Variants in KPTN observed in about 807,000 individuals in gnomAD.
KPTN encodes the protein KICSTOR complex protein kaptin.
KPTN carries 36 observed loss-of-function variants against 52.6 expected under a neutral mutation model. The ratio of observed to expected loss-of-function variants is 0.68; its 90% CI spans 0.52 to 0.90. The LOEUF is 0.90. KPTN is among the 40% of genes least tolerant of loss of function. KPTN has a pLI of 0.00. For synonymous variants in KPTN, 271 were observed against 248.4 expected (o/e 1.09, Z -0.85); for missense variants, 529 against 576.2 (o/e 0.92, Z 0.84).
chr19:47,480,714 T>C (rs779250277), intron 6 of KPTN, 46 bp downstream of exon 6: 4 of 1,563,516 alleles, frequency 2.6e-6, no homozygotes, highest in South Asian at 1.1e-5. Flanking sequence ...ATTTCTCTGA[T>C]GTCAGTGCCC....
chr19:47,484,087 T>G lies in KPTN; in HGVS notation c.74A>C (p.Gln25Pro). 6.2e-7 allele frequency: 1 copy of G among 1,608,386 alleles called. No individual in the cohort carries two copies. The highest frequency in any genetic ancestry group is 8.5e-7 in the Non-Finnish European group (1 of 1,179,768). Reference sequence around the variant, plus strand: ...GCCTGCCAGCCCGTACACATTGCTCTGCGACGAGAAGCGCGTGAAGCTGTC... The same window carrying G: ...GCCTGCCAGCCCGTACACATTGCTCGGCGACGAGAAGCGCGTGAAGCTGTC... ...REDSFTRFSS[Q>P]SNVYGLAGGA... is the part of the protein sequence containing the mutation. Residue 25 changes from glutamine (Q) to proline (P), a missense_variant, in exon 1 of 12, where the codon CAG (glutamine) becomes CCG (proline). Coordinates refer to ENST00000338134, the MANE Select transcript of KPTN (RefSeq NM_007059.4).
upstream of KPTN, chr19:47,484,444 G>C: frequency 1.9e-6 from 1 of 526,824 alleles, no homozygotes; most frequent in East Asian, 3.2e-5. Context: ...GGTGGCCACG[G>C]CCTCTCGCTG....
intron 9 of KPTN, 87 bp from the exon 10 acceptor site, chr19:47,477,025 G>T (rs1295297220): frequency 2.2e-6 from 3 of 1,381,738 alleles, no homozygotes; most frequent in African/African-American, 1.4e-5. Context: ...TACCGGTACT[G>T]CTTCCCTTCT....
At chr19:47,477,112 G>A (rs1967697980) in intron 9 of KPTN, among the ~76,000 whole-genome samples, 174 bp from the exon 10 acceptor site, 1 of 152,190 alleles carries the variant, frequency 6.6e-6, no homozygotes, top group East Asian at 1.9e-4. Context: ...GACCCAGCAA[G>A]GGGTCAACCT....
At chr19:47,480,559 G>T in intron 6 of KPTN, 152 bp from the exon 7 acceptor site, 2 of 734,348 alleles carry the variant, frequency 2.7e-6, no homozygotes, top group Non-Finnish European at 4.5e-6. Context: ...TTCCTCTGAG[G>T]TCAATTCTCA....
Position 47,484,130 on chromosome 19 carries a change from G to A in KPTN, c.31C>T (p.Pro11Ser), listed in dbSNP as rs746683788. Residue 11 changes from proline to serine, a missense_variant, in exon 1 of 12, where the codon CCT (proline) becomes TCT (serine). By Grantham distance (74) the Pro-to-Ser change is moderately conservative (BLOSUM62 -1). Coordinates refer to ENST00000338134, the MANE Select transcript of KPTN (RefSeq NM_007059.4). Reference sequence around the variant, plus strand: ...AAGCTGTCCTCGCGCAACGGACAAGGCCCCGCGGCCACGGCCGCCTCCCCC... The same window carrying A: ...AAGCTGTCCTCGCGCAACGGACAAGACCCCGCGGCCACGGCCGCCTCCCCC... MMGEAAVAAG[P>S]CPLREDSFTR... 3.1e-6 allele frequency: 5 copies of A among 1,599,658 alleles called. No homozygotes were observed. The Admixed American group carries it at 6.7e-5, about 21-fold the overall frequency.
Position 47,480,822 on chromosome 19 carries a change from C to T in KPTN, c.537G>A (p.Leu179=), listed in dbSNP as rs376276602. ...AIHLYKENEG[L]HQFEEQPVEN... The stretch of plus-strand genomic sequence containing the variant: ...CCACGGGCTGTTCCTCAAACTGATG[C>T]AGCCCCTCGTTCTGGGGAAACCAAG... Residue 179 remains leucine, a synonymous_variant, in exon 6 of 12, where the codon CTG becomes CTA. Coordinates refer to ENST00000338134, the MANE Select transcript of KPTN (RefSeq NM_007059.4). The T allele has an allele frequency of 1.4e-4, 229 of 1,614,104 alleles. No individual in the cohort carries two copies. The highest frequency in any genetic ancestry group is 2.9e-4 in the African/African-American group (22 of 75,022).
At chr19:47,479,965 GC>G in intron 7 of KPTN, 25 bp from the exon 8 acceptor site, 1 of 1,593,414 alleles carries the variant, frequency 6.3e-7, no homozygotes. Context: ...AGGATTCAGA[GC>G]CCCAACCCCA....
intron 4 of KPTN, 23 bp from the exon 5 acceptor site, chr19:47,481,056 C>G: frequency 6.4e-7 from 1 of 1,555,408 alleles, no homozygotes; most frequent in Non-Finnish European, 8.7e-7. Context: ...AAATCTAGAA[C>G]CCAAGGTAGT....
At chr19:47,479,768 G>A in intron 8 of KPTN, 95 bp downstream of exon 8, 1 of 975,888 alleles carries the variant, frequency 1.0e-6, no homozygotes, top group Non-Finnish European at 1.6e-6. Flanking sequence ...CACTTTGGGA[G>A]AGGGGTGCAA....
Position 47,476,683 on chromosome 19 carries a change from T to C in KPTN, c.1031A>G (p.Glu344Gly), listed in dbSNP as rs1179183599. Reference protein sequence around the residue: ...ELLCYKYRGPESGLPEAQHGF... With the variant: ...ELLCYKYRGPGSGLPEAQHGF... Reference sequence around the variant, plus strand: ...GTGCTGGGCCTCAGGAAGCCCCGACTCTGGGCCCCGGTACTTATAACACAG... The same window carrying C: ...GTGCTGGGCCTCAGGAAGCCCCGACCCTGGGCCCCGGTACTTATAACACAG... Residue 344 changes from glutamate (E) to glycine (G), a missense_variant, in exon 11 of 12, where the codon GAG becomes GGG. Physicochemically the swap from Glu to Gly is moderately conservative, Grantham distance 98. Coordinates refer to ENST00000338134, the MANE Select transcript of KPTN (RefSeq NM_007059.4). 6.2e-7 allele frequency: 1 copy of C among 1,612,564 alleles called. No homozygotes were observed. Among genetic ancestry groups the C allele is most frequent in the Non-Finnish European group, 8.5e-7 (1 of 1,179,588 alleles).
chr19:47,477,244 C>T (rs1366068867), intron 9 of KPTN, among the ~76,000 whole-genome samples: 6 of 152,184 alleles, frequency 3.9e-5, no homozygotes, highest in Non-Finnish European at 7.3e-5. Context: ...TTCGTGGAGC[C>T]CGAAGAGGGC....
intron 4 of KPTN, 139 bp from the exon 5 acceptor site, chr19:47,481,172 T>A: frequency 1.5e-6 from 1 of 685,306 alleles, no homozygotes; most frequent in Non-Finnish European, 2.6e-6. Flanking sequence ...GGTTAGAATC[T>A]CAGGGCTCAA....
At chr19:47,481,062 G>A (rs1303214811) in intron 4 of KPTN, 29 bp from the exon 5 acceptor site, 1 of 1,537,316 alleles carries the variant, frequency 6.5e-7, no homozygotes, top group Non-Finnish European at 8.9e-7. Context: ...AGAACCCAAG[G>A]TAGTGGAATC....
chr19:47,480,052 C>T, intron 7 of KPTN, 112 bp from the exon 8 acceptor site: 1 of 819,684 alleles, frequency 1.2e-6, no homozygotes, highest in Admixed American at 2.1e-5. Flanking sequence ...CCCCGCCCCT[C>T]TGAAGCCCTC....
Position 47,476,657 on chromosome 19 carries a change from C to T in KPTN, c.1057G>A (p.Gly353Arg), listed in dbSNP as rs772180182. 9.9e-6 allele frequency: 16 copies of T among 1,612,842 alleles called. No individual in the cohort carries two copies. The highest frequency in any genetic ancestry group is 3.3e-5 in the Admixed American group (2 of 59,832). Reference sequence around the variant, plus strand: ...CTCCGCTGCCACAGCAGATGGAACCCGTGCTGGGCCTCAGGAAGCCCCGAC... The same window carrying T: ...CTCCGCTGCCACAGCAGATGGAACCTGTGCTGGGCCTCAGGAAGCCCCGAC... The part of the protein sequence containing the change: ...PESGLPEAQH[G>R]FHLLWQRSFS... The change falls in exon 11 of 12, where the codon GGG (glycine) becomes AGG (arginine). Residue 353 changes from glycine to arginine, a missense_variant. By Grantham distance (125) the Gly-to-Arg change is moderately radical (BLOSUM62 -2). Coordinates refer to ENST00000338134, the MANE Select transcript of KPTN (RefSeq NM_007059.4).
At chr19:47,483,867 A>C in intron 1 of KPTN, 68 bp downstream of exon 1, 1 of 1,590,692 alleles carries the variant, frequency 6.3e-7, no homozygotes, top group Middle Eastern at 1.7e-4. Flanking sequence ...CGGCTCAGAC[A>C]GAGCCTCAGA....
intron 6 of KPTN, 105 bp from the exon 7 acceptor site, chr19:47,480,512 G>T: frequency 1.2e-6 from 1 of 841,938 alleles, no homozygotes; most frequent in Non-Finnish European, 1.8e-6. Flanking sequence ...CTGGGACCCT[G>T]CTGCTTGATT....
intron 9 of KPTN, 145 bp downstream of exon 9, chr19:47,477,561 G>A: frequency 1.8e-6 from 1 of 566,002 alleles, no homozygotes; most frequent in Non-Finnish European, 3.2e-6. Context: ...AATATTCACA[G>A]CCCCCACCCC....
Sources: allele counts gnomAD v4.1 joint callset (sites outside exome capture counted in the v4.1 genomes callset), GRCh38; gene constraint gnomAD v4.1.1; transcripts MANE v1.5; gene names NCBI Gene and HGNC (gene_info 2026-07-23, HGNC 2026-07-21).